The following GMPS variants were observed in gnomAD, a reference collection of about 807,000 sequenced individuals.
GMPS encodes the protein guanosine monophosphate synthase, also known as GMP synthase [glutamine-hydrolyzing].
A neutral mutation model predicts 77.9 loss-of-function variants in GMPS; 15 were observed. That is an observed-to-expected ratio of 0.19 (90% CI 0.13 to 0.30). The LOEUF (loss-of-function observed/expected upper bound fraction) is 0.30, where lower values mean the gene tolerates loss of function less well. GMPS is among the 10% of genes least tolerant of loss of function. The pLI is 1.00. For synonymous variants in GMPS, 224 were observed against 275.9 expected (o/e 0.81, Z 1.86); for missense variants, 590 against 838.8 (o/e 0.70, Z 3.66).
chr3:155,884,982 T>A (rs6766927), intron 1 of GMPS, among the ~76,000 whole-genome samples: 122,687 of 152,186 alleles, frequency 0.81, 49,621 homozygotes, highest in African/African-American at 0.84. Context: ...ACTTTGAAAA[T>A]CTAAGAGATG....
rs1439429750 is a variant in GMPS at position 155,883,359 on chromosome 3, G to GC, written c.28-10157dup. ...CAAAGTGCTAGGATTACAGGCATGAGCCACTGTGCCTAGCCTAATTTATTT... is the reference window on the plus strand; with the variant it reads ...CAAAGTGCTAGGATTACAGGCATGAGCCCACTGTGCCTAGCCTAATTTATTT... On this transcript the variant is annotated intron_variant, in intron 1 of 15. Transcript: ENST00000496455. Among the ~76,000 whole-genome samples the GC allele has an allele frequency of 3.9e-4, 60 of 152,210 alleles. 1 individual carries two copies. Among genetic ancestry groups the GC allele is most frequent in the African/African-American group, 1.4e-3 (59 of 41,546 alleles).
chr3:155,889,021 C>G (rs1222993795), intron 1 of GMPS, among the ~76,000 whole-genome samples: 7 of 152,194 alleles, frequency 4.6e-5, no homozygotes. Flanking sequence ...GTCACAGGGA[C>G]CTGGCCTCCC....
intron 12 of GMPS, among the ~76,000 whole-genome samples, chr3:155,928,903 A>C (rs1755526601): frequency 6.6e-6 from 1 of 151,192 alleles, no homozygotes; most frequent in Non-Finnish European, 1.5e-5. Flanking sequence ...TCCATGGTGT[A>C]TATGTGCCAC....
chr3:155,872,848 A>G (rs1231138551), intron 1 of GMPS, among the ~76,000 whole-genome samples: 3 of 152,232 alleles, frequency 2.0e-5, no homozygotes, highest in African/African-American at 7.2e-5. Flanking sequence ...ATTTCATCAA[A>G]TCTATGATTA....
intron 12 of GMPS, among the ~76,000 whole-genome samples, chr3:155,926,136 C>T (rs1419180094): frequency 6.6e-6 from 1 of 152,096 alleles, no homozygotes; most frequent in East Asian, 1.9e-4. Context: ...CTCAGCTTCC[C>T]AAGTAGCTGG....
At chr3:155,886,275 A>G (rs1270647427) in intron 1 of GMPS, among the ~76,000 whole-genome samples, 3 of 151,444 alleles carry the variant, frequency 2.0e-5, no homozygotes, top group African/African-American at 7.3e-5. Context: ...GGTGAGTTAT[A>G]TAAAAATCTA....
chr3:155,884,493 G>A (rs548781155), intron 1 of GMPS, among the ~76,000 whole-genome samples: 1 of 152,140 alleles, frequency 6.6e-6, no homozygotes, highest in South Asian at 2.1e-4. Flanking sequence ...GGTCACATAC[G>A]TATATTGTGT....
chr3:155,937,749 C>A lies in GMPS; in HGVS notation c.*57C>A. The stretch of plus-strand genomic sequence containing the variant: ...CAGTTTAAATTGATTAGAAATCATT[C>A]CCATTATTGACATGCAGTACTGTGA... On this transcript the variant is annotated 3_prime_UTR_variant, in exon 16 of 16. Transcript: ENST00000496455. 1.2e-6 allele frequency: 1 copy of A among 815,626 alleles called. No individual in the cohort carries two copies. 50.5% of individuals were successfully genotyped at this position (815,626 alleles called of 1,614,324 possible). A position where few individuals can be genotyped will look rare whatever the true frequency, so the allele number is the denominator to read the frequency against.
At chr3:155,932,057 ATTTAATATT>A (rs1755636825) in intron 13 of GMPS, among the ~76,000 whole-genome samples, 177 bp downstream of exon 13, 1 of 152,148 alleles carries the variant, frequency 6.6e-6, no homozygotes, top group Admixed American at 6.6e-5. Context: ...TTAAGTAGAT[ATTTAATATT>A]ATCTTGTGTT....
In GMPS at chr3:155,943,108, G is replaced by C. The variant is rs1246806065; in HGVS notation, c.*5416G>C. On this transcript the variant is annotated 3_prime_UTR_variant, in exon 16 of 16. Transcript: ENST00000496455. ...TAGCTGGGCTTGGTGGCGCGCGCCTGTAATCCCAGCTACTCGGAAGGCTGA... is the reference window on the plus strand; with the variant it reads ...TAGCTGGGCTTGGTGGCGCGCGCCTCTAATCCCAGCTACTCGGAAGGCTGA... The C allele has an allele frequency of 1.1e-5, 2 of 175,930 alleles. No individual in the cohort carries two copies. The highest frequency in any genetic ancestry group is 2.0e-4 in the East Asian group (2 of 10,174). 10.9% of individuals were successfully genotyped at this position (175,930 alleles called of 1,614,324 possible).
chr3:155,914,771 T>G (rs1755130648), intron 8 of GMPS, among the ~76,000 whole-genome samples: 1 of 152,068 alleles, frequency 6.6e-6, no homozygotes, highest in African/African-American at 2.4e-5. Flanking sequence ...TTGGTTTTTT[T>G]TTTGTTTTTT....
At chr3:155,934,106 TAATTTTGGGA>T (rs1453274710) in intron 13 of GMPS, among the ~76,000 whole-genome samples, 1 of 152,226 alleles carries the variant, frequency 6.6e-6, no homozygotes, top group Non-Finnish European at 1.5e-5. Flanking sequence ...ATGAGTTTAC[TAATTTTGGGA>T]AATTCACTGT....
chr3:155,927,708 G>T (rs114007025), intron 12 of GMPS, among the ~76,000 whole-genome samples: 128 of 152,138 alleles, frequency 8.4e-4, no homozygotes, highest in African/African-American at 2.5e-3. Flanking sequence ...AAAATTCTTT[G>T]TATTTCTACT....
chr3:155,887,257 A>G (rs1311682038), intron 1 of GMPS, among the ~76,000 whole-genome samples: 2 of 152,194 alleles, frequency 1.3e-5, no homozygotes, highest in Admixed American at 6.5e-5. Flanking sequence ...GGTTTTGAGC[A>G]AAGGAAGATT....
At chr3:155,900,018 A>G (rs1051235101) in intron 3 of GMPS, among the ~76,000 whole-genome samples, 4 of 152,188 alleles carry the variant, frequency 2.6e-5, no homozygotes, top group African/African-American at 9.7e-5. Flanking sequence ...TTATTCATCT[A>G]CTAACGTCTT....
chr3:155,927,945 TTTA>T (rs1462347314), intron 12 of GMPS, among the ~76,000 whole-genome samples: 1 of 152,124 alleles, frequency 6.6e-6, no homozygotes, highest in Non-Finnish European at 1.5e-5. Context: ...TGTTCTGTTT[TTTA>T]TTATTATAGG....
Position 155,928,752 on chromosome 3 carries a change from G to A in GMPS, c.1561-3013G>A, listed in dbSNP as rs989051344. ...CTTCCTGTGTCCATGTGATCTCATT[G>A]TTCAATTCCCACCTATGAGTGAGAA... is the stretch of plus-strand genomic sequence containing the variant. On this transcript the variant is annotated intron_variant, in intron 12 of 15. Transcript: ENST00000496455. 5.2e-5 allele frequency among the ~76,000 whole-genome samples: 7 copies of A among 133,874 alleles called. No individual in the cohort carries two copies. The Admixed American group carries it at 6.1e-4, about 12-fold the overall frequency. 87.8% of individuals were successfully genotyped at this position (133,874 alleles called of 152,430 possible). A position where few individuals can be genotyped will look rare whatever the true frequency, so the allele number is the denominator to read the frequency against.
chr3:155,913,536 T>C (rs541352305), intron 7 of GMPS, among the ~76,000 whole-genome samples: 1 of 151,576 alleles, frequency 6.6e-6, no homozygotes, highest in South Asian at 2.1e-4. Context: ...TTTTTTTTTT[T>C]TTTGAGACAG....
chr3:155,918,704 G>A (rs1755245699), intron 9 of GMPS, among the ~76,000 whole-genome samples: 1 of 152,144 alleles, frequency 6.6e-6, no homozygotes, highest in Non-Finnish European at 1.5e-5. Context: ...TTGTTATACA[G>A]ATTATTTCAT....
Sources: allele counts gnomAD v4.1 joint callset (sites outside exome capture counted in the v4.1 genomes callset), GRCh38; gene constraint gnomAD v4.1.1; transcripts MANE v1.5; gene names NCBI Gene and HGNC (gene_info 2026-07-23, HGNC 2026-07-21).